The following MGMT variants were observed in gnomAD, a reference collection of about 807,000 sequenced individuals.
MGMT encodes the protein O-6-methylguanine-DNA methyltransferase, also known as methylated-DNA--protein-cysteine methyltransferase.
In MGMT, 14 loss-of-function variants were observed where a neutral mutation model predicts 15.9. The observed-to-expected ratio is 0.88, with a 90% CI of 0.58 to 1.37. The LOEUF (loss-of-function observed/expected upper bound fraction) is 1.37, where lower values mean the gene tolerates loss of function less well. MGMT is among the 40% of genes most tolerant of loss of function. MGMT has a pLI of 0.00. For synonymous variants in MGMT, 130 were observed against 118.2 expected, an observed-to-expected ratio of 1.10 and a Z score of -0.65; for missense variants, 282 against 268.1, an observed-to-expected ratio of 1.05 and a Z score of -0.36.
rs371980511 is a variant in MGMT at position 129,662,300 on chromosome 10, G to GA, written c.126-45588dup. On this transcript the variant is annotated intron_variant, in intron 2 of 4. Transcript: ENST00000651593. The stretch of plus-strand genomic sequence containing the variant: ...ACCAGGAAGTGGAAGATTAGGCAAG[G>GA]AAAAAAAGGAATTAAAATAGGGTGA... 4.7e-4 allele frequency among the ~76,000 whole-genome samples: 71 copies of GA among 152,018 alleles called. No homozygotes were observed. The South Asian group carries it at 0.014, about 31-fold the overall frequency.
intron 3 of MGMT, among the ~76,000 whole-genome samples, chr10:129,713,602 T>C (rs775621986): frequency 6.6e-6 from 1 of 152,154 alleles, no homozygotes; most frequent in Non-Finnish European, 1.5e-5. Flanking sequence ...GCCCAGTGCA[T>C]TTCTGTGGTT....
intron 2 of MGMT, among the ~76,000 whole-genome samples, chr10:129,707,337 G>C (rs761342535): frequency 1.6e-4 from 24 of 151,896 alleles, no homozygotes; most frequent in Admixed American, 1.1e-3. Context: ...ACAGGCACAC[G>C]AGGCACAGGG....
chr10:129,613,709 G>A (rs1235560296), intron 2 of MGMT, among the ~76,000 whole-genome samples: 2 of 152,184 alleles, frequency 1.3e-5, no homozygotes, highest in African/African-American at 2.4e-5. Flanking sequence ...CAGGAGTCTT[G>A]GCGGGAGGCT....
At chr10:129,602,670 T>G (rs1589888673) in intron 2 of MGMT, among the ~76,000 whole-genome samples, 1 of 152,232 alleles carries the variant, frequency 6.6e-6, no homozygotes, top group East Asian at 1.9e-4. Flanking sequence ...AAAGGAATGG[T>G]GAGTGCGCCC....
chr10:129,657,663 C>T (rs1219719406), intron 2 of MGMT, among the ~76,000 whole-genome samples: 1 of 131,008 alleles, frequency 7.6e-6, no homozygotes, highest in Non-Finnish European at 1.6e-5. Context: ...GACAGGCTGG[C>T]CAGCTCCTCC....
chr10:129,568,530 TAAAA>T lies in MGMT; in HGVS notation c.125+32158_125+32161del, dbSNP rs532892365. 5.9e-4 allele frequency among the ~76,000 whole-genome samples: 90 copies of T among 152,118 alleles called. 1 individual carries two copies. In the South Asian group the frequency reaches 8.5e-3, roughly 14 times the overall value. ...TTGGTCCAAACTATCATAGGATAGT[TAAAA>T]AAAACACACAATAGAATTTCTGAGG... On this transcript the variant is annotated intron_variant, in intron 2 of 4. Transcript: ENST00000651593.
intron 2 of MGMT, among the ~76,000 whole-genome samples, chr10:129,668,249 G>T (rs1847681786): frequency 6.6e-6 from 1 of 151,426 alleles, no homozygotes; most frequent in African/African-American, 2.4e-5. Context: ...TTTAAGCTTT[G>T]TGGACCACAG....
intron 2 of MGMT, among the ~76,000 whole-genome samples, chr10:129,640,850 A>G (rs1847320599): frequency 6.6e-6 from 1 of 152,246 alleles, no homozygotes; most frequent in East Asian, 1.9e-4. Context: ...AGGAAAAATG[A>G]AGATAAACCT....
chr10:129,654,677 G>C (rs1373370315), intron 2 of MGMT, among the ~76,000 whole-genome samples: 1 of 152,004 alleles, frequency 6.6e-6, no homozygotes, highest in African/African-American at 2.4e-5. Context: ...GAGGAGGCAG[G>C]GGTGTGCAAG....
At chr10:129,640,486 G>A (rs1847315846) in intron 2 of MGMT, among the ~76,000 whole-genome samples, 1 of 152,160 alleles carries the variant, frequency 6.6e-6, no homozygotes, top group Non-Finnish European at 1.5e-5. Context: ...TATAATTTAA[G>A]CCTTTCCATA....
Position 129,536,295 on chromosome 10 carries a change from C to T in MGMT, c.43C>T (p.Pro15Ser), listed in dbSNP as rs201016048. 8 of 1,614,076 alleles carry T rather than the reference C, an allele frequency of 5.0e-6. No individual in the cohort carries two copies. Among genetic ancestry groups the T allele is most frequent in the Non-Finnish European group, 6.8e-6 (8 of 1,180,020 alleles). ...AATGAAACGCACCACACTGGACAGC[C>T]CTTTGGGGAAGCTGGAGCTGTCTGG... ...CEMKRTTLDS[P>S]LGKLELSGCE... Residue 15 changes from proline to serine, a missense_variant, in exon 2 of 5, where the codon CCT becomes TCT. Physicochemically the swap from Pro to Ser is moderately conservative, Grantham distance 74. Transcript: ENST00000651593.
intron 3 of MGMT, among the ~76,000 whole-genome samples, chr10:129,713,333 A>G (rs529207792): frequency 1.3e-5 from 2 of 152,282 alleles, no homozygotes; most frequent in South Asian, 2.1e-4. Context: ...ACTTAAGTGG[A>G]AAAAACAGCT....
chr10:129,679,826 G>T (rs1431732374), intron 2 of MGMT, among the ~76,000 whole-genome samples: 1 of 152,074 alleles, frequency 6.6e-6, no homozygotes. Context: ...CAGAAGTGTC[G>T]CATATACCAG....
Position 129,608,361 on chromosome 10 carries a change from G to A in MGMT, c.125+71984G>A, listed in dbSNP as rs567256296. Among the ~76,000 whole-genome samples the A allele has an allele frequency of 3.3e-5, 5 of 152,398 alleles. No homozygotes were observed. The East Asian group carries it at 7.7e-4, about 24-fold the overall frequency. ...GAAGGCAGGAGGGGAGGAACTCCGG[G>A]TTTGCGCCGCAGCTGCGTCGGTGGG... On this transcript the variant is annotated intron_variant, in intron 2 of 4. Coordinates refer to ENST00000651593, the MANE Select transcript of MGMT (RefSeq NM_002412.5).
intron 1 of MGMT, among the ~76,000 whole-genome samples, chr10:129,487,954 AACAC>A (rs151249427): frequency 0.051 from 6,844 of 134,726 alleles, 507 homozygotes; most frequent in African/African-American, 0.16. Flanking sequence ...TACACACACA[AACAC>A]ACATAGGTGT....
At chr10:129,577,554 T>G (rs1280447206) in intron 2 of MGMT, among the ~76,000 whole-genome samples, 2 of 152,172 alleles carry the variant, frequency 1.3e-5, no homozygotes, top group Non-Finnish European at 2.9e-5. Context: ...ATTAAAGACT[T>G]AAATGTTAGA....
intron 3 of MGMT, among the ~76,000 whole-genome samples, chr10:129,731,303 G>A (rs1848494128): frequency 6.7e-6 from 1 of 148,580 alleles, no homozygotes; most frequent in Non-Finnish European, 1.5e-5. Flanking sequence ...AAGAGCTTTT[G>A]ATGATAAGGG....
At chr10:129,512,698 G>C (rs7073801) in intron 1 of MGMT, among the ~76,000 whole-genome samples, 23,559 of 152,216 alleles carry the variant, frequency 0.15, 2,550 homozygotes, top group African/African-American at 0.3. Context: ...TTGTTGAATT[G>C]TAGTCTGTGC....
At chr10:129,557,334 C>T (rs1282361916) in intron 2 of MGMT, among the ~76,000 whole-genome samples, 1 of 152,180 alleles carries the variant, frequency 6.6e-6, no homozygotes, top group African/African-American at 2.4e-5. Context: ...TCCCACCTTT[C>T]CCTAAGGGTT....
Sources: allele counts gnomAD v4.1 joint callset (sites outside exome capture counted in the v4.1 genomes callset), GRCh38; gene constraint gnomAD v4.1.1; transcripts MANE v1.5; gene names NCBI Gene and HGNC (gene_info 2026-07-23, HGNC 2026-07-21).